GRIK2: variants seen among roughly 807,000 people sequenced by gnomAD.
GRIK2 encodes the protein glutamate ionotropic receptor kainate type subunit 2, also known as glutamate receptor ionotropic, kainate 2.
GRIK2 carries 32 observed loss-of-function variants against 100.3 expected under a neutral mutation model. The observed-to-expected ratio is 0.32, with a 90% CI of 0.24 to 0.43. GRIK2 has a LOEUF of 0.43. Ranked by LOEUF, GRIK2 falls within the 20% of genes least tolerant of loss-of-function variation. The pLI, the probability that GRIK2 is intolerant of heterozygous loss-of-function variation, is 1.00. For missense variants in GRIK2, 843 were observed against 1,114.9 expected, an observed-to-expected ratio of 0.76 and a Z score of 3.47; for synonymous variants, 417 against 389.4, an observed-to-expected ratio of 1.07 and a Z score of -0.83.
chr6:101,482,602 A>C (rs1772591599), intron 2 of GRIK2, among the ~76,000 whole-genome samples: 1 of 152,200 alleles, frequency 6.6e-6, no homozygotes. Flanking sequence ...TCTGGAAGTT[A>C]TGGAAATGTA....
At chr6:101,696,657 G>A (rs1772507463) in intron 7 of GRIK2, among the ~76,000 whole-genome samples, 1 of 151,748 alleles carries the variant, frequency 6.6e-6, no homozygotes, top group Admixed American at 6.6e-5. Context: ...AATGCTTACT[G>A]CATTTTACTG....
At chr6:101,798,025 T>C (rs1780429741) in intron 7 of GRIK2, among the ~76,000 whole-genome samples, 2 of 151,052 alleles carry the variant, frequency 1.3e-5, no homozygotes, top group Admixed American at 6.6e-5. Context: ...ATTTTGGTCA[T>C]TCAGTAGATT....
intron 7 of GRIK2, among the ~76,000 whole-genome samples, chr6:101,790,886 C>T (rs1268091564): frequency 6.6e-6 from 1 of 151,828 alleles, no homozygotes; most frequent in Non-Finnish European, 1.5e-5. Flanking sequence ...AATTTCAGCT[C>T]CTGTTATTGG....
intron 7 of GRIK2, among the ~76,000 whole-genome samples, chr6:101,751,985 A>G (rs562174440): frequency 3.9e-5 from 6 of 152,274 alleles, no homozygotes; most frequent in African/African-American, 1.2e-4. Context: ...TATTAGCTGG[A>G]ATATTTCTAA....
chr6:101,583,468 C>T (rs992738824), intron 2 of GRIK2, among the ~76,000 whole-genome samples: 1 of 152,060 alleles, frequency 6.6e-6, no homozygotes, highest in African/African-American at 2.4e-5. Context: ...TATAAATCCC[C>T]ATTATTTAAG....
rs143158589 is a variant in GRIK2 at position 101,765,144 on chromosome 6, C to T, written c.952-34504C>T. On this transcript the variant is annotated intron_variant, in intron 7 of 16. Transcript: ENST00000369134. ...TTCTTCTGAAAGCCTTCTCTGAGTC[C>T]CCCAAGTTAATTTCAGTTAGTGTTT... is the stretch of plus-strand genomic sequence containing the variant. Among the ~76,000 whole-genome samples the T allele has an allele frequency of 8.7e-4, 133 of 152,172 alleles. 2 individuals carry two copies. The highest frequency in any genetic ancestry group is 3.0e-3 in the African/African-American group (124 of 41,524).
intron 2 of GRIK2, among the ~76,000 whole-genome samples, chr6:101,501,095 G>A (rs1773724609): frequency 1.3e-5 from 2 of 151,978 alleles, no homozygotes; most frequent in Non-Finnish European, 2.9e-5. Flanking sequence ...CTCAGCTTGA[G>A]AACCAAATCC....
At chr6:102,011,340 C>T (rs1365171806) in intron 14 of GRIK2, among the ~76,000 whole-genome samples, 1 of 152,100 alleles carries the variant, frequency 6.6e-6, no homozygotes, top group Non-Finnish European at 1.5e-5. Context: ...ATCCATAGCT[C>T]TTCCTTGGTA....
At position 101,749,395 on chromosome 6, in the gene GRIK2, C is replaced by T. The variant is rs9390776; in HGVS notation, c.952-50253C>T. On this transcript the variant is annotated intron_variant, in intron 7 of 16. Transcript: ENST00000369134. Reference sequence around the variant, plus strand: ...GATTGATGGAATTACAGGCATGAACCACCACGCCTGGCCAGAAGTATTATT... The same window carrying T: ...GATTGATGGAATTACAGGCATGAACTACCACGCCTGGCCAGAAGTATTATT... Among the ~76,000 whole-genome samples, 13 of 152,204 alleles carry T rather than the reference C, an allele frequency of 8.5e-5. No individual in the cohort carries two copies. In the East Asian group the frequency reaches 2.5e-3, roughly 29 times the overall value.
At chr6:101,967,367 G>A (rs536429256) in intron 14 of GRIK2, among the ~76,000 whole-genome samples, 1 of 151,852 alleles carries the variant, frequency 6.6e-6, no homozygotes, top group Non-Finnish European at 1.5e-5. Flanking sequence ...TTTTTTAGAG[G>A]TTATCACAAT....
At chr6:101,619,249 T>TA (rs1406632061) in intron 2 of GRIK2, among the ~76,000 whole-genome samples, 4 of 151,438 alleles carry the variant, frequency 2.6e-5, no homozygotes, top group Non-Finnish European at 4.4e-5. Flanking sequence ...TATTTTGTCT[T>TA]AAAAGGTTGC....
intron 2 of GRIK2, among the ~76,000 whole-genome samples, chr6:101,486,100 T>C (rs1342661111): frequency 6.6e-6 from 1 of 152,064 alleles, no homozygotes; most frequent in Admixed American, 6.6e-5. Flanking sequence ...CATGTCAAGA[T>C]TTTCGCTGGG....
chr6:101,810,766 C>G (rs1417566692), intron 9 of GRIK2, among the ~76,000 whole-genome samples: 2 of 152,106 alleles, frequency 1.3e-5, no homozygotes, highest in African/African-American at 2.4e-5. Context: ...TTTCATTTAA[C>G]TATTCATCAT....
At chr6:101,405,993 C>A (rs1232596210) in intron 2 of GRIK2, among the ~76,000 whole-genome samples, 1 of 152,108 alleles carries the variant, frequency 6.6e-6, no homozygotes, top group Non-Finnish European at 1.5e-5. Flanking sequence ...TCATTTTTAC[C>A]TTCTCGCCCA....
At chr6:101,445,665 A>G (rs1770333763) in intron 2 of GRIK2, among the ~76,000 whole-genome samples, 1 of 152,232 alleles carries the variant, frequency 6.6e-6, no homozygotes, top group East Asian at 1.9e-4. Context: ...AAATTCTGTT[A>G]ACGTGGGCTA....
intron 16 of GRIK2, among the ~76,000 whole-genome samples, 189 bp downstream of exon 16, chr6:102,055,769 C>A (rs911080283): frequency 1.3e-5 from 2 of 151,884 alleles, no homozygotes; most frequent in African/African-American, 2.4e-5. Flanking sequence ...CTCATGGTCA[C>A]CTTTATGATT....
chr6:101,762,058 C>T (rs549471324), intron 7 of GRIK2, among the ~76,000 whole-genome samples: 17 of 130,890 alleles, frequency 1.3e-4, no homozygotes, highest in African/African-American at 5.2e-4. Flanking sequence ...TCCTTCCTTC[C>T]CTTCCTTTCC....
At chr6:101,821,418 C>T (rs1781941881) in intron 10 of GRIK2, among the ~76,000 whole-genome samples, 1 of 152,050 alleles carries the variant, frequency 6.6e-6, no homozygotes, top group South Asian at 2.1e-4. Context: ...ATCTTGGACA[C>T]TTTGATTTTT....
At position 101,621,797 on chromosome 6, in the gene GRIK2, CCTCT is replaced by C. The variant is rs561190018; in HGVS notation, c.116-141_116-138del. ...CACACCCCATGTACTTAAATCTCTC[CCTCT>C]CTCTCTCTCTTTCTCTCTCTCACAC... is the stretch of plus-strand genomic sequence containing the variant. On this transcript the variant is annotated intron_variant, in intron 2 of 16. Coordinates refer to ENST00000369134, the MANE Select transcript of GRIK2 (RefSeq NM_021956.5). The C allele has an allele frequency of 7.4e-4, 436 of 591,844 alleles. 3 individuals carry two copies. Among genetic ancestry groups the C allele is most frequent in the African/African-American group, 6.8e-3 (363 of 53,114 alleles). 36.7% of individuals were successfully genotyped at this position (591,844 alleles called of 1,614,324 possible). A position where few individuals can be genotyped will look rare whatever the true frequency, so the allele number is the denominator to read the frequency against.
Sources: allele counts gnomAD v4.1 joint callset (sites outside exome capture counted in the v4.1 genomes callset), GRCh38; gene constraint gnomAD v4.1.1; transcripts MANE v1.5; gene names NCBI Gene and HGNC (gene_info 2026-07-23, HGNC 2026-07-21).